The following CCNYL1 variants were observed in gnomAD, a reference collection of about 807,000 sequenced individuals.
CCNYL1 encodes the protein cyclin Y like 1.
In CCNYL1, 16 loss-of-function variants were observed where a neutral mutation model predicts 44.2. The observed-to-expected ratio is 0.36, with a 90% CI of 0.25 to 0.55. CCNYL1 has a LOEUF of 0.55. Ranked by LOEUF, CCNYL1 falls within the 20% of genes least tolerant of loss-of-function variation. The pLI is 0.85. For synonymous variants in CCNYL1, 159 were observed against 163.2 expected (o/e 0.97, Z 0.20); for missense variants, 348 against 451.8 (o/e 0.77, Z 2.08).
chr2:207,728,881 C>T (rs889382856), intron 3 of CCNYL1, among the ~76,000 whole-genome samples: 11 of 151,948 alleles, frequency 7.2e-5, no homozygotes, highest in Non-Finnish European at 1.5e-4. Flanking sequence ...ACTGCAATCC[C>T]CACCTCCCAA....
intron 4 of CCNYL1, 30 bp downstream of exon 4, chr2:207,734,077 G>A (rs2091747660): frequency 2.2e-6 from 3 of 1,386,676 alleles, no homozygotes; most frequent in Non-Finnish European, 3.1e-6. Flanking sequence ...CAAGGGCTGA[G>A]TGACAGACCC....
At chr2:207,721,499 A>G (rs943766576) in intron 1 of CCNYL1, among the ~76,000 whole-genome samples, 7 of 152,216 alleles carry the variant, frequency 4.6e-5, no homozygotes, top group African/African-American at 1.7e-4. Flanking sequence ...GCAGTGTTCA[A>G]TGTCAGTGGA....
In CCNYL1 at chr2:207,744,080, G is replaced by A. The variant is rs115843611; in HGVS notation, c.639+1738G>A. Among the ~76,000 whole-genome samples, 830 of 152,290 alleles carry A rather than the reference G, an allele frequency of 5.5e-3. 7 individuals are homozygous for A. Among genetic ancestry groups the A allele is most frequent in the African/African-American group, 0.019 (807 of 41,550 alleles). ...GAAGCAGCATAAAGGGATACAGAGT[G>A]ACAGGAGGGGCTCACTATTTTAGAT... is the stretch of plus-strand genomic sequence containing the variant. On this transcript the variant is annotated intron_variant, in intron 7 of 9. Coordinates refer to ENST00000295414, the MANE Select transcript of CCNYL1 (RefSeq NM_001330218.2).
At chr2:207,742,886 A>G (rs1157195519) in intron 7 of CCNYL1, among the ~76,000 whole-genome samples, 2 of 152,210 alleles carry the variant, frequency 1.3e-5, no homozygotes, top group East Asian at 3.8e-4. Context: ...TACTTGGACA[A>G]AGGCTTTGCT....
At position 207,724,679 on chromosome 2, in the gene CCNYL1, A is replaced by G. The variant is rs182255224; in HGVS notation, c.221-121A>G. 468 of 711,462 alleles carry G rather than the reference A, an allele frequency of 6.6e-4. No homozygotes were observed. In the African/African-American group the frequency reaches 7.5e-3, roughly 11 times the overall value. 44.1% of individuals were successfully genotyped at this position (711,462 alleles called of 1,614,324 possible). A position where few individuals can be genotyped will look rare whatever the true frequency, so the allele number is the denominator to read the frequency against. On this transcript the variant is annotated intron_variant, in intron 1 of 9. Transcript: ENST00000295414. Reference sequence around the variant, plus strand: ...TTTGTATTGTCTTTATTTCCTTTATATTTATTACTAAAAACTTCTCTGAAG... The same window carrying G: ...TTTGTATTGTCTTTATTTCCTTTATGTTTATTACTAAAAACTTCTCTGAAG...
intron 3 of CCNYL1, among the ~76,000 whole-genome samples, chr2:207,728,197 C>G (rs1403749477): frequency 6.6e-6 from 1 of 151,940 alleles, no homozygotes; most frequent in Non-Finnish European, 1.5e-5. Flanking sequence ...CTCCTGACCT[C>G]AGGTGATCTG....
At position 207,753,689 on chromosome 2, in the gene CCNYL1, C is replaced by T; in HGVS notation, c.1071C>T (p.Ile357=). 6.2e-7 allele frequency: 1 copy of T among 1,605,854 alleles called. No individual in the cohort carries two copies. The highest frequency in any genetic ancestry group is 8.5e-7 in the Non-Finnish European group (1 of 1,173,482). The change falls in exon 10 of 10, where the codon ATC becomes ATT. Residue 357 remains isoleucine, a synonymous_variant. Transcript: ENST00000295414. ...TTGGTATTCAGCGCTCTAAAGCCAT[C>T]CTCTCTTAAAAGGAGAAATGAGGGG... ...NFIGIQRSKA[I]LS
At chr2:207,748,421 G>C (rs2091870287) in intron 8 of CCNYL1, among the ~76,000 whole-genome samples, 1 of 152,216 alleles carries the variant, frequency 6.6e-6, no homozygotes, top group South Asian at 2.1e-4. Flanking sequence ...TGAAACAGCA[G>C]CTTCATCAGG....
chr2:207,735,986 C>T (rs2091762058), intron 4 of CCNYL1, among the ~76,000 whole-genome samples: 1 of 152,152 alleles, frequency 6.6e-6, no homozygotes, highest in Admixed American at 6.5e-5. Context: ...TTTTAAAGCT[C>T]CTCAGGTGAT....
At chr2:207,725,166 G>C (rs1239814986) in intron 2 of CCNYL1, among the ~76,000 whole-genome samples, 1 of 120,304 alleles carries the variant, frequency 8.3e-6, no homozygotes, top group East Asian at 2.3e-4. Context: ...TGCCTTTATT[G>C]CCCATGCTGG....
chr2:207,714,589 T>C (rs1362357539), intron 1 of CCNYL1: 6 of 251,472 alleles, frequency 2.4e-5, no homozygotes, highest in Admixed American at 5.1e-5. Flanking sequence ...AACTGTGAAT[T>C]GAAGCTGAGA....
rs533236127 is a variant in CCNYL1 at position 207,725,072 on chromosome 2, G to C, written c.295+198G>C. On this transcript the variant is annotated intron_variant, in intron 2 of 9. Coordinates refer to ENST00000295414, the MANE Select transcript of CCNYL1 (RefSeq NM_001330218.2). ...TAATAACATGTAGACCTATTTACAGGTTTTGCCACCTTTTTATAACACAAT... is the reference window on the plus strand; with the variant it reads ...TAATAACATGTAGACCTATTTACAGCTTTTGCCACCTTTTTATAACACAAT... Among the ~76,000 whole-genome samples, 20 of 149,346 alleles carry C rather than the reference G, an allele frequency of 1.3e-4. No homozygotes were observed. The South Asian group carries it at 4.2e-3, about 31-fold the overall frequency.
At chr2:207,738,714 CT>C (rs2091784224) in intron 5 of CCNYL1, among the ~76,000 whole-genome samples, 1 of 43,548 alleles carries the variant, frequency 2.3e-5, no homozygotes, top group Non-Finnish European at 1.2e-4. Flanking sequence ...CACATCTCTT[CT>C]TTCTTTTTTT....
intron 9 of CCNYL1, among the ~76,000 whole-genome samples, chr2:207,751,617 G>A (rs2091891424): frequency 6.6e-6 from 1 of 152,158 alleles, no homozygotes; most frequent in African/African-American, 2.4e-5. Context: ...CACTTTGGGA[G>A]GCCGAGGAGG....
chr2:207,747,934 T>C (rs536835230), intron 8 of CCNYL1, among the ~76,000 whole-genome samples: 4 of 151,756 alleles, frequency 2.6e-5, no homozygotes, highest in East Asian at 1.9e-4. Flanking sequence ...TTCATTCATT[T>C]ATATCTTTTC....
At chr2:207,746,125 T>G (rs2091853071) in intron 7 of CCNYL1, among the ~76,000 whole-genome samples, 1 of 152,216 alleles carries the variant, frequency 6.6e-6, no homozygotes, top group Non-Finnish European at 1.5e-5. Context: ...TTTAGAGGAA[T>G]ACCAGGGGTC....
intron 3 of CCNYL1, among the ~76,000 whole-genome samples, chr2:207,732,830 A>C (rs4531919): frequency 0.16 from 23,650 of 152,172 alleles, 3,034 homozygotes; most frequent in East Asian, 0.38. Flanking sequence ...CTTGATACAA[A>C]TGCAGATAAA....
At chr2:207,733,685 A>C (rs901066655) in intron 3 of CCNYL1, among the ~76,000 whole-genome samples, 3 of 152,224 alleles carry the variant, frequency 2.0e-5, no homozygotes, top group Admixed American at 6.5e-5. Flanking sequence ...TAATTTATAC[A>C]GGGAATGCAT....
At position 207,711,854 on chromosome 2, in the gene CCNYL1, G is replaced by A. The variant is rs1170313142; in HGVS notation, c.-43G>A. 6 of 1,317,422 alleles carry A rather than the reference G, an allele frequency of 4.6e-6. No individual in the cohort carries two copies. The highest frequency in any genetic ancestry group is 5.9e-6 in the Non-Finnish European group (6 of 1,015,182). 81.6% of individuals were successfully genotyped at this position (1,317,422 alleles called of 1,614,324 possible). A position where few individuals can be genotyped will look rare whatever the true frequency, so the allele number is the denominator to read the frequency against. ...GGCGGCTGTTGAGGGCGGCGGAGTA[G>A]GGGGCGAGCGAAGGCGGTGGCAGAG... is the stretch of plus-strand genomic sequence containing the variant. On this transcript the variant is annotated 5_prime_UTR_variant, in exon 1 of 10. Transcript: ENST00000295414.
Sources: gnomAD v4.1 joint callset for allele counts (sites outside exome capture counted in the v4.1 genomes callset) on GRCh38, gnomAD v4.1.1 for gene constraint, MANE v1.5 for transcripts, NCBI Gene and HGNC (gene_info 2026-07-23, HGNC 2026-07-21) for gene names.